Variants in CFH observed in about 807,000 individuals in gnomAD.
CFH encodes the protein H factor 1 (complement).
Under a neutral mutation model 147.3 loss-of-function variants are expected in CFH, and 53 were observed. The ratio of observed to expected loss-of-function variants is 0.36; its 90% confidence interval spans 0.29 to 0.45. CFH has a LOEUF of 0.45. Among genes scored for constraint, CFH ranks in the 20% least tolerant of loss-of-function variants. CFH has a pLI of 1.00. For synonymous variants in CFH, 536 were observed against 489.4 expected (o/e 1.10, Z -1.26); for missense variants, 1,380 against 1,498.0 (o/e 0.92, Z 1.30).
intron 9 of CFH, among the ~76,000 whole-genome samples, chr1:196,704,122 G>A (rs1277031933): frequency 6.6e-6 from 1 of 151,852 alleles, no homozygotes; most frequent in Non-Finnish European, 1.5e-5. Context: ...CTATCGCCCA[G>A]GCTGGACTGT....
chr1:196,702,280 A>C (rs969650619), intron 9 of CFH, among the ~76,000 whole-genome samples: 6 of 151,788 alleles, frequency 4.0e-5, no homozygotes, highest in Non-Finnish European at 8.8e-5. Context: ...CCAACAGGGG[A>C]CTCCATTTAG....
intron 6 of CFH, among the ~76,000 whole-genome samples, chr1:196,680,764 A>G (rs1280423320): frequency 2.0e-5 from 3 of 151,872 alleles, no homozygotes; most frequent in Admixed American, 2.0e-4. Context: ...ATTCATAAAT[A>G]CATGTTTAAA....
At chr1:196,659,723 A>T (rs1666840003) in intron 1 of CFH, among the ~76,000 whole-genome samples, 1 of 152,124 alleles carries the variant, frequency 6.6e-6, no homozygotes, top group African/African-American at 2.4e-5. Context: ...GTCATAGCAC[A>T]CTGGTCTGTG....
At position 196,726,471 on chromosome 1, in the gene CFH, G is replaced by C; in HGVS notation, c.1875G>C (p.Glu625Asp). Reference protein sequence around the residue: ...GLSPDLPICKEQVQSCGPPPE... With the variant: ...GLSPDLPICKDQVQSCGPPPE... ...ATTTACATAGTATTTCTACTATAGA[G>C]CAAGTACAATCATGTGGTCCACCTC... Residue 625 changes from glutamate (E) to aspartate (D), a missense_variant and splice_region_variant, in exon 13 of 22, where the codon GAG (glutamate) becomes GAC (aspartate). Physicochemically the swap from Glu to Asp is conservative, Grantham distance 45. Transcript: ENST00000367429. The C allele has an allele frequency of 1.2e-6, 2 of 1,606,236 alleles. No individual in the cohort carries two copies. Among genetic ancestry groups the C allele is most frequent in the East Asian group, 2.2e-5 (1 of 44,642 alleles).
At chr1:196,657,967 T>C (rs1023386506) in intron 1 of CFH, among the ~76,000 whole-genome samples, 5 of 152,158 alleles carry the variant, frequency 3.3e-5, no homozygotes, top group African/African-American at 1.2e-4. Flanking sequence ...TTAAAAGATA[T>C]ATTGACATTG....
At chr1:196,713,327 C>T (rs1668767649) in intron 9 of CFH, among the ~76,000 whole-genome samples, 1 of 152,124 alleles carries the variant, frequency 6.6e-6, no homozygotes, top group Non-Finnish European at 1.5e-5. Flanking sequence ...TTTCTAAGAT[C>T]ATCACAGGAT....
At chr1:196,702,832 G>A (rs1423217207) in intron 9 of CFH, among the ~76,000 whole-genome samples, 1 of 152,070 alleles carries the variant, frequency 6.6e-6, no homozygotes, top group East Asian at 1.9e-4. Context: ...CTCTGCAAGG[G>A]AGTGCCCAAG....
chr1:196,701,318 G>C, intron 9 of CFH: 1 of 1,613,642 alleles, frequency 6.2e-7, no homozygotes. Flanking sequence ...TCTTTCCCAG[G>C]CTTTACCCTC....
At chr1:196,655,119 A>G (rs936527053) in intron 1 of CFH, among the ~76,000 whole-genome samples, 4 of 152,098 alleles carry the variant, frequency 2.6e-5, no homozygotes, top group Non-Finnish European at 4.4e-5. Flanking sequence ...GGATAGTTAA[A>G]TTTAGTATTA....
chr1:196,732,021 A>C (rs1045988963), intron 15 of CFH, among the ~76,000 whole-genome samples: 4 of 151,656 alleles, frequency 2.6e-5, no homozygotes, highest in African/African-American at 9.7e-5. Context: ...GTGGGTTTCT[A>C]TTTCTTTCCC....
chr1:196,715,105 A>G (rs1166978967), intron 10 of CFH, among the ~76,000 whole-genome samples: 1 of 152,038 alleles, frequency 6.6e-6, no homozygotes, highest in East Asian at 1.9e-4. Flanking sequence ...CTAATTTTAT[A>G]CTAAATTTTT....
intron 17 of CFH, among the ~76,000 whole-genome samples, chr1:196,738,576 A>C (rs1652673695): frequency 6.6e-6 from 1 of 152,160 alleles, no homozygotes; most frequent in African/African-American, 2.4e-5. Flanking sequence ...TTAAACCTTA[A>C]ATTTCCAAGA....
intron 7 of CFH, among the ~76,000 whole-genome samples, chr1:196,687,515 G>A (rs1438831292): frequency 1.3e-5 from 2 of 151,340 alleles, no homozygotes; most frequent in African/African-American, 2.4e-5. Flanking sequence ...ATGACCTTCT[G>A]GGAAATACCA....
At position 196,679,812 on chromosome 1, in the gene CFH, T is replaced by G. The variant is rs765989576; in HGVS notation, c.790+19T>G. ...TGTGAAGGTAATGTTACCTTTATTT[T>G]CTGGATCTTTATAAATTTATCACAT... is the stretch of plus-strand genomic sequence containing the variant. On this transcript the variant is annotated intron_variant, in intron 6 of 21. Transcript: ENST00000367429. 6.2e-7 allele frequency: 1 copy of G among 1,600,890 alleles called. No homozygotes were observed. The highest frequency in any genetic ancestry group is 8.5e-7 in the Non-Finnish European group (1 of 1,170,850).
At chr1:196,712,641 G>C (rs955776480) in intron 9 of CFH, among the ~76,000 whole-genome samples, 2 of 149,928 alleles carry the variant, frequency 1.3e-5, no homozygotes, top group Non-Finnish European at 2.9e-5. Context: ...TATACTTTAA[G>C]TTTTAGGGTA....
In CFH at chr1:196,674,050, T is replaced by C. The variant is rs55725223; in HGVS notation, c.350+88T>C. 2.9e-3 allele frequency: 2,725 copies of C among 925,204 alleles called. 10 individuals are homozygous for C. The highest frequency in any genetic ancestry group is 7.8e-3 in the East Asian group (293 of 37,388). The allele number at this position is 925,204 out of a possible 1,614,324, so 57.3% of individuals were successfully genotyped here. A position where few individuals can be genotyped will look rare whatever the true frequency, so the allele number is the denominator to read the frequency against. ...ATATATTTTTAAGGTTATTATATTT[T>C]TCTATGAGCATTTAAAAAAGTAATA... On this transcript the variant is annotated intron_variant, in intron 3 of 21. Coordinates refer to ENST00000367429, the MANE Select transcript of CFH (RefSeq NM_000186.4).
Position 196,655,564 on chromosome 1 carries a change from C to A in CFH, c.58+3389C>A, listed in dbSNP as rs74639818. Among the ~76,000 whole-genome samples, 912 of 152,268 alleles carry A rather than the reference C, an allele frequency of 6.0e-3. 25 individuals carry two copies. The South Asian group carries it at 0.072, about 12-fold the overall frequency. ...ATGTGTGGCCTTTGGTTTCTAAGATCTGAGCCAGTCTACATTGACCCACTT... is the reference window on the plus strand; with the variant it reads ...ATGTGTGGCCTTTGGTTTCTAAGATATGAGCCAGTCTACATTGACCCACTT... On this transcript the variant is annotated intron_variant, in intron 1 of 21. Transcript: ENST00000367429.
chr1:196,675,921 T>A (rs140618003), intron 3 of CFH, 68 bp from the exon 4 acceptor site: 8 of 952,158 alleles, frequency 8.4e-6, no homozygotes, highest in Non-Finnish European at 1.4e-5. Flanking sequence ...ACACTCAGAA[T>A]GGCATCGAGT....
chr1:196,733,235 A>T (rs1199874535), intron 15 of CFH, among the ~76,000 whole-genome samples: 1 of 152,064 alleles, frequency 6.6e-6, no homozygotes, highest in Non-Finnish European at 1.5e-5. Flanking sequence ...TGCAAGCTCG[A>T]TAGAGGCCAG....
Sources: allele counts gnomAD v4.1 joint callset (sites outside exome capture counted in the v4.1 genomes callset), GRCh38; gene constraint gnomAD v4.1.1; transcripts MANE v1.5; gene names NCBI Gene and HGNC (gene_info 2026-07-23, HGNC 2026-07-21).